The following TMEM135 variants were observed in gnomAD, a reference collection of about 807,000 sequenced individuals.
TMEM135 encodes the protein peroxisomal membrane protein 52.
TMEM135 carries 30 observed loss-of-function variants against 60.3 expected under a neutral mutation model. That is an observed-to-expected ratio of 0.50 (90% confidence interval 0.37 to 0.68). TMEM135 has a LOEUF of 0.68. TMEM135 is among the 30% of genes least tolerant of loss of function. The probability of loss-of-function intolerance (pLI) is 0.00; values close to 1 mark genes in which losing one functional copy is unlikely to be tolerated. For missense variants in TMEM135, 468 were observed against 548.8 expected (o/e 0.85, Z 1.47); for synonymous variants, 190 against 186.7 (o/e 1.02, Z -0.14).
intron 1 of TMEM135, among the ~76,000 whole-genome samples, chr11:87,046,057 C>A (rs921954752): frequency 1.3e-5 from 2 of 151,980 alleles, no homozygotes; most frequent in African/African-American, 4.8e-5. Flanking sequence ...GAGATAAATG[C>A]CATAAGGTAC....
rs368146298 is a variant in TMEM135 at position 87,178,351 on chromosome 11, T to A, written c.462+20945T>A. ...CAGATATATTTTTATTATGCCACAA[T>A]CTAAACTCTCTTTTTCTGAAAATTT... is the stretch of plus-strand genomic sequence containing the variant. On this transcript the variant is annotated intron_variant, in intron 5 of 14. Transcript: ENST00000305494. 3 of 453,986 alleles carry A rather than the reference T, an allele frequency of 6.6e-6. No homozygotes were observed. In the East Asian group the frequency reaches 2.1e-4, roughly 32 times the overall value. 28.1% of individuals were successfully genotyped at this position (453,986 alleles called of 1,614,324 possible).
At position 87,272,337 on chromosome 11, in the gene TMEM135, G is replaced by A. The variant is rs193083057; in HGVS notation, c.510-23445G>A. 2.2e-4 allele frequency among the ~76,000 whole-genome samples: 34 copies of A among 152,082 alleles called. No homozygotes were observed. In the East Asian group the frequency reaches 6.6e-3, roughly 29 times the overall value. On this transcript the variant is annotated intron_variant, in intron 6 of 14. Coordinates refer to ENST00000305494, the MANE Select transcript of TMEM135 (RefSeq NM_022918.4). ...TCCCAAAGTGTTGGGATTACAGACTGGAGCCACCGCACCTAGCCAGCTTGC... is the reference window on the plus strand; with the variant it reads ...TCCCAAAGTGTTGGGATTACAGACTAGAGCCACCGCACCTAGCCAGCTTGC...
At chr11:87,195,911 G>A (rs1939946395) in intron 5 of TMEM135, among the ~76,000 whole-genome samples, 1 of 152,186 alleles carries the variant, frequency 6.6e-6, no homozygotes, top group East Asian at 1.9e-4. Context: ...GTATCTGTTC[G>A]AGACTATTTT....
At position 87,324,265 on chromosome 11, in the gene TMEM135, G is replaced by A. The variant is rs1238697983; in HGVS notation, c.*2932G>A. ...AAGCAATGTCCTTTACTCTCAGGGA[G>A]CTTCGTCCACTTGCCTGTGTCACAA... On this transcript the variant is annotated 3_prime_UTR_variant, in exon 15 of 15. Coordinates refer to ENST00000305494, the MANE Select transcript of TMEM135 (RefSeq NM_022918.4). 1 of 453,904 alleles carries A rather than the reference G, an allele frequency of 2.2e-6. No homozygotes were observed. The highest frequency in any genetic ancestry group is 4.4e-6 in the Non-Finnish European group (1 of 226,784). The allele number at this position is 453,904 out of a possible 1,614,324, so 28.1% of individuals were successfully genotyped here. A position where few individuals can be genotyped will look rare whatever the true frequency, so the allele number is the denominator to read the frequency against.
intron 4 of TMEM135, among the ~76,000 whole-genome samples, chr11:87,119,748 T>A (rs189986805): frequency 3.9e-5 from 6 of 152,262 alleles, no homozygotes; most frequent in Admixed American, 3.9e-4. Flanking sequence ...ACATAACAGA[T>A]ATACTAATAA....
chr11:87,144,216 A>G (rs1020806283), intron 4 of TMEM135, among the ~76,000 whole-genome samples: 8 of 152,212 alleles, frequency 5.3e-5, no homozygotes, highest in Non-Finnish European at 1.2e-4. Flanking sequence ...AAAAACAAAC[A>G]GGTAAATATT....
rs11332885 is a variant in TMEM135 at position 87,326,911 on chromosome 11, CT to C, written c.*5597del. 83,198 of 380,998 alleles carry C rather than the reference CT, an allele frequency of 0.22. 3,801 individuals are homozygous for C. The highest frequency in any genetic ancestry group is 0.27 in the African/African-American group (11,074 of 40,766). The allele number at this position is 380,998 out of a possible 1,614,324, so 23.6% of individuals were successfully genotyped here. A position where few individuals can be genotyped will look rare whatever the true frequency, so the allele number is the denominator to read the frequency against. ...AGGCATCATTGAATCATCTGAGGAC[CT>C]TTTTTTTTTTTTTTTTTTCACTAAA... is the stretch of plus-strand genomic sequence containing the variant. On this transcript the variant is annotated 3_prime_UTR_variant, in exon 15 of 15. Transcript: ENST00000305494.
intron 4 of TMEM135, among the ~76,000 whole-genome samples, chr11:87,145,213 C>T (rs1427054599): frequency 2.0e-5 from 3 of 152,148 alleles, no homozygotes; most frequent in Non-Finnish European, 2.9e-5. Flanking sequence ...ACTTATACAG[C>T]ATAATGTTCT....
intron 1 of TMEM135, among the ~76,000 whole-genome samples, chr11:87,054,988 A>G (rs1276140016): frequency 6.6e-6 from 1 of 152,196 alleles, no homozygotes; most frequent in African/African-American, 2.4e-5. Context: ...CATGTTACCT[A>G]CAATGAGTAA....
chr11:87,070,319 G>GT (rs1856750839), intron 2 of TMEM135, among the ~76,000 whole-genome samples: 1 of 151,270 alleles, frequency 6.6e-6, no homozygotes, highest in Non-Finnish European at 1.5e-5. Context: ...TGTTTTCAAG[G>GT]AAAAAAAACT....
chr11:87,150,697 T>G (rs1405698280), intron 4 of TMEM135, among the ~76,000 whole-genome samples: 1 of 152,186 alleles, frequency 6.6e-6, no homozygotes, highest in Non-Finnish European at 1.5e-5. Flanking sequence ...TGACATAAGA[T>G]TCCTTTCAAT....
chr11:87,264,691 T>C (rs1941717528), intron 6 of TMEM135, among the ~76,000 whole-genome samples: 1 of 151,904 alleles, frequency 6.6e-6, no homozygotes, highest in African/African-American at 2.4e-5. Flanking sequence ...AAGCTCACTG[T>C]ATATAGTCAG....
chr11:87,121,963 C>T (rs1014497172), intron 4 of TMEM135, among the ~76,000 whole-genome samples: 1 of 152,068 alleles, frequency 6.6e-6, no homozygotes, highest in African/African-American at 2.4e-5. Flanking sequence ...AAGGGTAGAT[C>T]ATAGTAGGAC....
chr11:87,189,164 C>G (rs111445356), intron 5 of TMEM135, among the ~76,000 whole-genome samples: 14 of 146,996 alleles, frequency 9.5e-5, no homozygotes, highest in African/African-American at 3.5e-4. Flanking sequence ...TTCCCTTTCC[C>G]TTTCCTTTCT....
intron 1 of TMEM135, 132 bp downstream of exon 1, chr11:87,038,318 T>C (rs1403142055): frequency 1.3e-5 from 9 of 699,800 alleles, no homozygotes; most frequent in Non-Finnish European, 2.0e-5. Context: ...TCGGAGTGTT[T>C]TGGGGGGTCG....
chr11:87,130,885 G>T (rs375108494), intron 4 of TMEM135, among the ~76,000 whole-genome samples: 32 of 150,532 alleles, frequency 2.1e-4, no homozygotes, highest in Admixed American at 8.6e-4. Flanking sequence ...AAATAAATTG[G>T]TTTGTATAAA....
chr11:87,228,955 A>G (rs1445775447), intron 5 of TMEM135, among the ~76,000 whole-genome samples: 2 of 152,168 alleles, frequency 1.3e-5, no homozygotes, highest in Non-Finnish European at 2.9e-5. Flanking sequence ...TCTACATGAC[A>G]TAGTGATGAC....
chr11:87,263,120 C>A (rs1282249738), intron 6 of TMEM135, among the ~76,000 whole-genome samples: 2 of 152,084 alleles, frequency 1.3e-5, no homozygotes, highest in Non-Finnish European at 1.5e-5. Flanking sequence ...TGAGTCTTGA[C>A]AAGCATGTAA....
Position 87,120,112 on chromosome 11 carries a change from TC to T in TMEM135, c.396+28718del, listed in dbSNP as rs1311689592. Reference sequence around the variant, plus strand: ...ACTTATTAGTCTGTTTTTTTCTTCTTCTTCTTTTTTTTTTTTTTTTGAGACA... The same window carrying T: ...ACTTATTAGTCTGTTTTTTTCTTCTTTTCTTTTTTTTTTTTTTTTGAGACA... On this transcript the variant is annotated intron_variant, in intron 4 of 14. Transcript: ENST00000305494. Among the ~76,000 whole-genome samples the T allele has an allele frequency of 4.6e-4, 65 of 142,430 alleles. 2 individuals are homozygous for T. The South Asian group carries it at 5.9e-3, about 13-fold the overall frequency. 93.4% of individuals were successfully genotyped at this position (142,430 alleles called of 152,430 possible). A position where few individuals can be genotyped will look rare whatever the true frequency, so the allele number is the denominator to read the frequency against.
Sources: allele counts gnomAD v4.1 joint callset (sites outside exome capture counted in the v4.1 genomes callset), GRCh38; gene constraint gnomAD v4.1.1; transcripts MANE v1.5; gene names NCBI Gene and HGNC (gene_info 2026-07-23, HGNC 2026-07-21).